Variants in MACO1 observed in about 807,000 individuals in gnomAD.
MACO1 encodes macoilin 1, also known as macoilin.
A neutral mutation model predicts 78.7 loss-of-function variants in MACO1; 14 were observed. The observed-to-expected ratio is 0.18, with a 90% CI of 0.12 to 0.28. The LOEUF is 0.28. Among genes scored for constraint, MACO1 ranks in the 10% least tolerant of loss-of-function variants. The probability of loss-of-function intolerance (pLI) is 1.00; values close to 1 mark genes in which losing one functional copy is unlikely to be tolerated. For missense variants in MACO1, 501 were observed against 799.0 expected (o/e 0.63, Z 4.50); for synonymous variants, 288 against 291.6 (o/e 0.99, Z 0.12).
intron 1 of MACO1, among the ~76,000 whole-genome samples, chr1:25,431,914 C>T (rs992539342): frequency 1.4e-5 from 2 of 147,468 alleles, no homozygotes; most frequent in Non-Finnish European, 3.0e-5. Flanking sequence ...TCTCCAAACT[C>T]TTTTTTTTTT....
chr1:25,431,848 T>C (rs2042875383), intron 1 of MACO1, among the ~76,000 whole-genome samples: 1 of 152,304 alleles, frequency 6.6e-6, no homozygotes, highest in South Asian at 2.1e-4. Context: ...TCAGCAAATA[T>C]TGTTTTGACA....
At chr1:25,462,756 T>G (rs1200538765) in intron 6 of MACO1, among the ~76,000 whole-genome samples, 1 of 152,246 alleles carries the variant, frequency 6.6e-6, no homozygotes, top group African/African-American at 2.4e-5. Context: ...GGTTTGGCTG[T>G]CCAATTAAGG....
intron 1 of MACO1, among the ~76,000 whole-genome samples, chr1:25,441,865 C>T (rs1449537623): frequency 1.3e-5 from 2 of 152,156 alleles, no homozygotes; most frequent in Non-Finnish European, 2.9e-5. Context: ...GAAGAACTAA[C>T]CCTGAACAGT....
intron 6 of MACO1, among the ~76,000 whole-genome samples, chr1:25,477,285 C>T (rs775487557): frequency 1.3e-5 from 2 of 152,100 alleles, no homozygotes; most frequent in Non-Finnish European, 2.9e-5. Context: ...GGCCATTCCT[C>T]CCAAAGAGGT....
At position 25,485,853 on chromosome 1, in the gene MACO1, A is replaced by T. The variant is rs966567163; in HGVS notation, c.1496+58A>T. The T allele has an allele frequency of 2.6e-6, 4 of 1,552,982 alleles. No individual in the cohort carries two copies. The Admixed American group carries it at 5.9e-5, about 23-fold the overall frequency. On this transcript the variant is annotated intron_variant, in intron 8 of 10. Transcript: ENST00000374343. The surrounding 1 kb of genome is among the most constrained non-coding windows in gnomAD (Gnocchi z 4.3). The stretch of plus-strand genomic sequence containing the variant: ...GGTTGGCTTTCCTTTACCAACAAAG[A>T]CATGGGAATTTGGTGCCTTGGGCAG...
intron 2 of MACO1, among the ~76,000 whole-genome samples, chr1:25,447,414 T>G (rs1013583750): frequency 1.3e-5 from 2 of 152,176 alleles, no homozygotes; most frequent in African/African-American, 4.8e-5. Flanking sequence ...TATTAGAAAT[T>G]AAAACTGAGA....
intron 1 of MACO1, among the ~76,000 whole-genome samples, chr1:25,433,389 A>C (rs979747531): frequency 6.6e-6 from 1 of 152,218 alleles, no homozygotes; most frequent in South Asian, 2.1e-4. Context: ...ATGAATATCA[A>C]ATTTCTGGTG....
chr1:25,467,245 G>T (rs982160558), intron 6 of MACO1, among the ~76,000 whole-genome samples: 2 of 152,126 alleles, frequency 1.3e-5, no homozygotes, highest in African/African-American at 2.4e-5. Flanking sequence ...GCAACAAAGC[G>T]AGGCTCTTTC....
chr1:25,461,032 TA>T (rs1316696149), intron 6 of MACO1, among the ~76,000 whole-genome samples: 1 of 151,804 alleles, frequency 6.6e-6, no homozygotes, highest in Non-Finnish European at 1.5e-5. Flanking sequence ...TATGCAGCCA[TA>T]AAAAATGAAG....
At position 25,499,290 on chromosome 1, in the gene MACO1, G is replaced by A. The variant is rs61775206; in HGVS notation, c.*824G>A. The A allele has an allele frequency of 0.43, 65,448 of 151,904 alleles. 15,040 individuals are homozygous for A. The highest frequency in any genetic ancestry group is 0.73 in the East Asian group (3,756 of 5,176). 9.4% of individuals were successfully genotyped at this position (151,904 alleles called of 1,614,324 possible). On this transcript the variant is annotated 3_prime_UTR_variant, in exon 11 of 11. Coordinates refer to ENST00000374343, the MANE Select transcript of MACO1 (RefSeq NM_018202.6). The stretch of plus-strand genomic sequence containing the variant: ...AAACTGGTGGGTAGCTGGGCTGTCC[G>A]TTACCACCACAGCTACATCTTCTGT...
At chr1:25,489,047 C>G (rs2043460185) in intron 8 of MACO1, 126 bp from the exon 9 acceptor site, 3 of 1,234,172 alleles carry the variant, frequency 2.4e-6, no homozygotes, top group African/African-American at 3.1e-5. Flanking sequence ...TCTCGAACCC[C>G]TGACCTCAAA....
At chr1:25,494,563 A>C (rs2043518171) in intron 10 of MACO1, among the ~76,000 whole-genome samples, 1 of 152,130 alleles carries the variant, frequency 6.6e-6, no homozygotes, top group East Asian at 1.9e-4. Context: ...GTTAAGCGGG[A>C]AATCTCCCTC....
At chr1:25,443,856 C>T (rs1040267821) in intron 1 of MACO1, among the ~76,000 whole-genome samples, 2 of 152,040 alleles carry the variant, frequency 1.3e-5, no homozygotes, top group Non-Finnish European at 2.9e-5. Context: ...ATGGGGTACC[C>T]TTCATGTCTC....
intron 1 of MACO1, among the ~76,000 whole-genome samples, chr1:25,445,655 A>T (rs2043009594): frequency 6.9e-6 from 1 of 145,488 alleles, no homozygotes; most frequent in African/African-American, 2.5e-5. Flanking sequence ...TTTGTATCTT[A>T]TTGGAATATA....
At chr1:25,479,310 T>C (rs1020554464) in intron 6 of MACO1, among the ~76,000 whole-genome samples, 3 of 152,218 alleles carry the variant, frequency 2.0e-5, no homozygotes, top group African/African-American at 7.2e-5. Context: ...AGTATTGAAC[T>C]TCAGCACCAA....
Position 25,431,255 on chromosome 1 carries a change from T to C in MACO1, c.80+77T>C, listed in dbSNP as rs1381703381. ...AGCTCCGAGGGGCCTGGCCCCGTTATGTAACCCCGAGTAGGCCGCACGCCC... is the reference window on the plus strand; with the variant it reads ...AGCTCCGAGGGGCCTGGCCCCGTTACGTAACCCCGAGTAGGCCGCACGCCC... On this transcript the variant is annotated intron_variant, in intron 1 of 10. Transcript: ENST00000374343. The C allele has an allele frequency of 4.2e-6, 5 of 1,201,522 alleles. No individual in the cohort carries two copies. The African/African-American group carries it at 4.8e-5, about 12-fold the overall frequency. 74.4% of individuals were successfully genotyped at this position (1,201,522 alleles called of 1,614,324 possible).
chr1:25,446,337 A>G (rs768830681), intron 1 of MACO1, among the ~76,000 whole-genome samples: 5 of 152,224 alleles, frequency 3.3e-5, no homozygotes, highest in African/African-American at 1.2e-4. Flanking sequence ...AAGAATTTCA[A>G]AGACTCTTCA....
intron 6 of MACO1, among the ~76,000 whole-genome samples, chr1:25,480,404 A>C (rs779548137): frequency 8.5e-5 from 13 of 152,220 alleles, no homozygotes; most frequent in Non-Finnish European, 1.6e-4. Context: ...GGTAGCAGTT[A>C]TGAAAATCCT....
chr1:25,455,803 A>T (rs1299093241), intron 4 of MACO1, among the ~76,000 whole-genome samples: 1 of 152,190 alleles, frequency 6.6e-6, no homozygotes, highest in African/African-American at 2.4e-5. Context: ...TCTTCAAGGA[A>T]TAGCTGGTGA....
Sources: allele counts gnomAD v4.1 joint callset (sites outside exome capture counted in the v4.1 genomes callset), GRCh38; gene constraint gnomAD v4.1.1; non-coding constraint Gnocchi (gnomAD v3.1); transcripts MANE v1.5; gene names NCBI Gene and HGNC (gene_info 2026-07-23, HGNC 2026-07-21).